Variants in INIP observed in about 807,000 individuals in gnomAD.
INIP encodes INTS3 and NABP interacting protein.
A neutral mutation model predicts 14.0 loss-of-function variants in INIP; 9 were observed. The ratio of observed to expected loss-of-function variants is 0.64; its 90% CI spans 0.39 to 1.12. The LOEUF (loss-of-function observed/expected upper bound fraction) is 1.12. INIP is among the 50% of genes most tolerant of loss of function. INIP has a pLI of 0.01. For missense variants in INIP, 78 were observed against 122.7 expected (o/e 0.64, Z 1.72); for synonymous variants, 37 against 41.5 (o/e 0.89, Z 0.41).
intron 1 of INIP, among the ~76,000 whole-genome samples, chr9:112,717,276 G>A (rs1838854719): frequency 6.6e-6 from 1 of 152,112 alleles, no homozygotes; most frequent in African/African-American, 2.4e-5. Flanking sequence ...AAAAGGTAAA[G>A]GAGTACTGTA....
At chr9:112,704,760 G>C (rs1302892132) in intron 2 of INIP, among the ~76,000 whole-genome samples, 1 of 152,042 alleles carries the variant, frequency 6.6e-6, no homozygotes, top group Non-Finnish European at 1.5e-5. Flanking sequence ...TATAATTCTG[G>C]AAAGTATAGA....
intron 4 of INIP, 22 bp from the exon 5 acceptor site, chr9:112,687,655 A>G: frequency 7.2e-7 from 1 of 1,387,218 alleles, no homozygotes; most frequent in Non-Finnish European, 1.0e-6. Context: ...TAAAAACAAA[A>G]AGGCAATTAA....
At chr9:112,707,834 G>C (rs1838528768) in intron 2 of INIP, among the ~76,000 whole-genome samples, 1 of 152,136 alleles carries the variant, frequency 6.6e-6, no homozygotes, top group African/African-American at 2.4e-5. Context: ...CCATAGTTGA[G>C]ACACCTATGT....
chr9:112,699,256 G>T (rs911992608), intron 2 of INIP, among the ~76,000 whole-genome samples: 20 of 151,852 alleles, frequency 1.3e-4, no homozygotes, highest in Admixed American at 1.2e-3. Flanking sequence ...TCAGTGGAAT[G>T]AGCTATGATG....
At chr9:112,696,535 G>A (rs1475179817) in intron 2 of INIP, among the ~76,000 whole-genome samples, 1 of 152,190 alleles carries the variant, frequency 6.6e-6, no homozygotes, top group East Asian at 1.9e-4. Context: ...CCAGCTGAGT[G>A]TCCTATAATT....
chr9:112,709,508 A>G (rs1421460853), intron 2 of INIP, among the ~76,000 whole-genome samples: 1 of 152,230 alleles, frequency 6.6e-6, no homozygotes, highest in Non-Finnish European at 1.5e-5. Flanking sequence ...GATAACAGTA[A>G]CACTTCAAAG....
rs180876704 is a variant in INIP, at chr9:112,685,421, G to C, written c.*2117C>G. The stretch of plus-strand genomic sequence containing the variant: ...CCCAAAGCACAGTACTTTATCTGTA[G>C]GTATTAATAAATACATAGGAAATTG... On this transcript the variant is annotated 3_prime_UTR_variant, in exon 5 of 5. Coordinates refer to ENST00000374242, the MANE Select transcript of INIP (RefSeq NM_021218.3). The C allele has an allele frequency of 2.6e-5, 4 of 152,040 alleles. No individual in the cohort carries two copies. The highest frequency in any genetic ancestry group is 4.4e-5 in the Non-Finnish European group (3 of 67,998). 9.4% of individuals were successfully genotyped at this position (152,040 alleles called of 1,614,324 possible).
chr9:112,712,815 T>G (rs117558962), intron 2 of INIP, among the ~76,000 whole-genome samples: 1 of 152,108 alleles, frequency 6.6e-6, no homozygotes, highest in Non-Finnish European at 1.5e-5. Flanking sequence ...CTTGGAGTAT[T>G]TGAATAATGG....
At chr9:112,716,137 A>G (rs1370534775) in intron 2 of INIP, among the ~76,000 whole-genome samples, 1 of 152,076 alleles carries the variant, frequency 6.6e-6, no homozygotes, top group Non-Finnish European at 1.5e-5. Context: ...CAGTGGTGCA[A>G]TCTCGGCTCA....
intron 4 of INIP, among the ~76,000 whole-genome samples, chr9:112,688,759 C>T (rs141521018): frequency 0.01 from 1,574 of 152,248 alleles, 20 homozygotes; most frequent in Non-Finnish European, 0.013. Context: ...AAGAAGATTA[C>T]TTGAACCCAG....
intron 2 of INIP, among the ~76,000 whole-genome samples, chr9:112,714,806 A>G (rs1410323835): frequency 2.0e-5 from 3 of 152,240 alleles, no homozygotes; most frequent in African/African-American, 4.8e-5. Flanking sequence ...ATACATTCTG[A>G]GAAATTCATT....
At chr9:112,715,644 G>A (rs1172778363) in intron 2 of INIP, among the ~76,000 whole-genome samples, 3 of 151,878 alleles carry the variant, frequency 2.0e-5, no homozygotes, top group East Asian at 1.9e-4. Flanking sequence ...GTGATGGCGT[G>A]TGCCTGTAAT....
At chr9:112,709,676 A>G (rs1838588751) in intron 2 of INIP, among the ~76,000 whole-genome samples, 1 of 152,230 alleles carries the variant, frequency 6.6e-6, no homozygotes, top group Admixed American at 6.5e-5. Flanking sequence ...CTGTCATCCC[A>G]CATTGACAAT....
At chr9:112,708,479 G>C (rs1324177382) in intron 2 of INIP, among the ~76,000 whole-genome samples, 2 of 152,178 alleles carry the variant, frequency 1.3e-5, no homozygotes, top group Non-Finnish European at 2.9e-5. Flanking sequence ...ATCAGGAGGA[G>C]AGTGATGGAT....
rs58647648 is a variant in INIP, at chr9:112,715,133, TACACACACACACACAC to T, written c.25+1312_25+1327del. On this transcript the variant is annotated intron_variant, in intron 2 of 4. Transcript: ENST00000374242. ...TAAAATACACACATACATACATACA[TACACACACACACACAC>T]ACACACACACACACACACACACACA... Among the ~76,000 whole-genome samples, 561 of 133,518 alleles carry T rather than the reference TACACACACACACACAC, an allele frequency of 4.2e-3. 3 individuals carry two copies. The highest frequency in any genetic ancestry group is 0.012 in the African/African-American group (416 of 35,428). 87.6% of individuals were successfully genotyped at this position (133,518 alleles called of 152,430 possible). A position where few individuals can be genotyped will look rare whatever the true frequency, so the allele number is the denominator to read the frequency against.
chr9:112,698,448 T>C (rs1838177549), intron 2 of INIP, among the ~76,000 whole-genome samples: 1 of 152,184 alleles, frequency 6.6e-6, no homozygotes, highest in South Asian at 2.1e-4. Context: ...ATTTGTGACA[T>C]TTATGCCTGT....
At position 112,694,121 on chromosome 9, in the gene INIP, GT is replaced by G. The variant is rs567737828; in HGVS notation, c.128+9del. 51 of 1,510,512 alleles carry G rather than the reference GT, an allele frequency of 3.4e-5. No individual in the cohort carries two copies. The South Asian group carries it at 5.3e-4, about 16-fold the overall frequency. The allele number at this position is 1,510,512 out of a possible 1,614,324, so 93.6% of individuals were successfully genotyped here. ...AAACAAACAAAAAACCCACATTATA[GT>G]GTCAATACCTAGCTCCAGGATGATT... is the stretch of plus-strand genomic sequence containing the variant. On this transcript the variant is annotated intron_variant, in intron 3 of 4. Transcript: ENST00000374242.
At position 112,687,313 on chromosome 9, in the gene INIP, TAC is replaced by T; in HGVS notation, c.*223_*224del. The T allele has an allele frequency of 2.5e-6, 1 of 402,732 alleles. No individual in the cohort carries two copies. Among genetic ancestry groups the T allele is most frequent in the African/African-American group, 2.0e-5 (1 of 49,908 alleles). 24.9% of individuals were successfully genotyped at this position (402,732 alleles called of 1,614,324 possible). On this transcript the variant is annotated 3_prime_UTR_variant, in exon 5 of 5. Coordinates refer to ENST00000374242, the MANE Select transcript of INIP (RefSeq NM_021218.3). ...GAGTTAAACAGCATTACAAAAAAGT[TAC>T]AGTCACGGTACATAATCAATTCCTT...
In INIP at chr9:112,687,374, G is replaced by A; in HGVS notation, c.*164C>T. On this transcript the variant is annotated 3_prime_UTR_variant, in exon 5 of 5. Transcript: ENST00000374242. The stretch of plus-strand genomic sequence containing the variant: ...CAGCTTCCACAGCTCTCATCATCCT[G>A]GTTATTCTTCTTTCAGCTTTCACTT... The A allele has an allele frequency of 3.8e-6, 2 of 531,748 alleles. No individual in the cohort carries two copies. Among genetic ancestry groups the A allele is most frequent in the Non-Finnish European group, 6.9e-6 (2 of 291,468 alleles). 32.9% of individuals were successfully genotyped at this position (531,748 alleles called of 1,614,324 possible).
Sources: allele counts gnomAD v4.1 joint callset (sites outside exome capture counted in the v4.1 genomes callset), GRCh38; gene constraint gnomAD v4.1.1; transcripts MANE v1.5; gene names NCBI Gene and HGNC (gene_info 2026-07-23, HGNC 2026-07-21).